The following SEH1L variants were observed in gnomAD, a reference collection of about 807,000 sequenced individuals.
The protein encoded by SEH1L is SEH1 like nucleoporin, also known as nucleoporin SEH1.
In SEH1L, 18 loss-of-function variants were observed where a neutral mutation model predicts 49.5. The ratio of observed to expected loss-of-function variants is 0.36; its 90% confidence interval spans 0.25 to 0.54. The LOEUF (loss-of-function observed/expected upper bound fraction) is 0.54. Ranked by LOEUF, SEH1L falls within the 20% of genes least tolerant of loss-of-function variation. The probability of loss-of-function intolerance (pLI) is 0.87; values close to 1 mark genes in which losing one functional copy is unlikely to be tolerated. For missense variants in SEH1L, 404 were observed against 528.8 expected (o/e 0.76, Z 2.31); for synonymous variants, 169 against 178.1 (o/e 0.95, Z 0.41).
chr18:12,982,404 C>T (rs905773963), intron 6 of SEH1L, 114 bp from the exon 7 acceptor site: 45 of 708,278 alleles, frequency 6.4e-5, no homozygotes, highest in African/African-American at 5.6e-4. Context: ...GATGTGGTGG[C>T]GAGACCACTT....
intron 5 of SEH1L, chr18:12,975,754 G>C (rs1346671767): frequency 1.0e-6 from 1 of 987,234 alleles, no homozygotes; most frequent in African/African-American, 1.7e-5. Flanking sequence ...TGGCAGCTGT[G>C]TGGACTGGGA....
At chr18:12,979,982 C>T (rs1282345371) in intron 6 of SEH1L, among the ~76,000 whole-genome samples, 13 of 125,250 alleles carry the variant, frequency 1.0e-4, no homozygotes, top group South Asian at 5.4e-4. Flanking sequence ...CCGGACGGGG[C>T]GGCTGGCCGG....
intron 8 of SEH1L, chr18:12,984,696 A>G (rs1189526889): frequency 1.3e-5 from 2 of 153,868 alleles, no homozygotes; most frequent in African/African-American, 4.8e-5. Flanking sequence ...GATTTTTAGA[A>G]TATTTAGCAT....
rs552603876 is a variant in SEH1L, at chr18:12,951,838, CTTTTA to C, written c.112-12_112-8del. 3.1e-4 allele frequency: 476 copies of C among 1,515,850 alleles called. 7 individuals carry two copies. The South Asian group carries it at 5.6e-3, about 18-fold the overall frequency. The allele number at this position is 1,515,850 out of a possible 1,614,324, so 93.9% of individuals were successfully genotyped here. A position where few individuals can be genotyped will look rare whatever the true frequency, so the allele number is the denominator to read the frequency against. On this transcript the variant is annotated splice_polypyrimidine_tract_variant and intron_variant, in intron 1 of 8. Coordinates refer to ENST00000399892, the MANE Select transcript of SEH1L (RefSeq NM_001013437.2). ...AGGAATTTTTGTATAAAATATCTGCCTTTTATTTTCTTATAGGTCTGGGATAAAAG... is the reference window on the plus strand; with the variant it reads ...AGGAATTTTTGTATAAAATATCTGCCTTTTCTTATAGGTCTGGGATAAAAG...
rs1268247410 is a variant in SEH1L at position 12,970,504 on chromosome 18, T to TC, written c.522-647dup. Among the ~76,000 whole-genome samples the TC allele has an allele frequency of 2.6e-5, 4 of 152,324 alleles. No homozygotes were observed. The South Asian group carries it at 8.3e-4, about 32-fold the overall frequency. On this transcript the variant is annotated intron_variant, in intron 4 of 8. Transcript: ENST00000399892. Reference sequence around the variant, plus strand: ...GGCACGATCATAGCTCACTGCAGCCTCCAACTCCTGGGCGCAAGTGATCCT... The same window carrying TC: ...GGCACGATCATAGCTCACTGCAGCCTCCCAACTCCTGGGCGCAAGTGATCCT...
At chr18:12,971,850 GA>G (rs1598965247) in intron 5 of SEH1L, 1 of 152,314 alleles carries the variant, frequency 6.6e-6, no homozygotes, top group Non-Finnish European at 1.5e-5. Context: ...GCCAGACAAA[GA>G]GGGCAGAAGC....
chr18:12,948,156 A>T lies in SEH1L; in HGVS notation c.35A>T (p.Lys12Met), dbSNP rs1266914133. ...GCTCGCAGCATCGCGGCGGACCACA[A>T]GGATCTCATCCACGATGTCTCTTTC... ...FVARSIAADHKDLIHDVSFDF... is the reference protein window; with the variant it reads ...FVARSIAADHMDLIHDVSFDF... The change falls in exon 1 of 9, where the codon AAG becomes ATG. Residue 12 changes from lysine (K) to methionine (M), a missense_variant. Coordinates refer to ENST00000399892, the MANE Select transcript of SEH1L (RefSeq NM_001013437.2). 6.2e-7 allele frequency: 1 copy of T among 1,610,554 alleles called. No homozygotes were observed. Among genetic ancestry groups the T allele is most frequent in the Non-Finnish European group, 8.5e-7 (1 of 1,178,974 alleles).
At chr18:12,969,686 C>CAA (rs201098722) in intron 4 of SEH1L, among the ~76,000 whole-genome samples, 2 of 98,150 alleles carry the variant, frequency 2.0e-5, no homozygotes, top group Non-Finnish European at 4.4e-5. Flanking sequence ...GACTCCATCT[C>CAA]AAAAAAAAAA....
intron 3 of SEH1L, among the ~76,000 whole-genome samples, chr18:12,961,266 GC>G (rs2031162909): frequency 6.6e-6 from 1 of 152,160 alleles, no homozygotes; most frequent in Admixed American, 6.5e-5. Flanking sequence ...ACATGCTTGA[GC>G]CCAGTCATCC....
chr18:12,970,562 G>A (rs930131201), intron 4 of SEH1L, among the ~76,000 whole-genome samples: 1 of 152,082 alleles, frequency 6.6e-6, no homozygotes, highest in African/African-American at 2.4e-5. Context: ...TGAGACAAAC[G>A]GCACATGCCA....
At chr18:12,971,879 C>T (rs907527912) in intron 5 of SEH1L, 1 of 152,248 alleles carries the variant, frequency 6.6e-6, no homozygotes, top group Non-Finnish European at 1.5e-5. Flanking sequence ...GTGGAGAAAA[C>T]TGCATGTGGT....
chr18:12,970,567 A>T (rs1307558955), intron 4 of SEH1L, among the ~76,000 whole-genome samples: 1 of 152,162 alleles, frequency 6.6e-6, no homozygotes, highest in Non-Finnish European at 1.5e-5. Flanking sequence ...CAAACGGCAC[A>T]TGCCACCACA....
chr18:12,975,102 C>T (rs1381656304), intron 5 of SEH1L, among the ~76,000 whole-genome samples: 1 of 151,930 alleles, frequency 6.6e-6, no homozygotes, highest in East Asian at 1.9e-4. Context: ...AAGAAGTTCT[C>T]CTGCCTCAGC....
Position 12,987,010 on chromosome 18 carries a change from T to G in SEH1L, c.1219T>G (p.Tyr407Asp). 1.2e-6 allele frequency: 2 copies of G among 1,613,564 alleles called. No individual in the cohort carries two copies. Among genetic ancestry groups the G allele is most frequent in the Non-Finnish European group, 1.7e-6 (2 of 1,179,638 alleles). Residue 407 changes from tyrosine (Y) to aspartate (D), a missense_variant, in exon 9 of 9, where the codon TAT (tyrosine) becomes GAT (aspartate). By Grantham distance (160) the Tyr-to-Asp change is radical. Around this residue, in one of 3 missense-constraint regions of SEH1L, gnomAD observed 342 missense variants for 430.8 expected, o/e 0.79. Coordinates refer to ENST00000399892, the MANE Select transcript of SEH1L (RefSeq NM_001013437.2). ...CCAGTATCCTCACCCTCGCAGACGA[T>G]ATCTCTCTCGGCCTCTTAATCCCTT... ...NLQYPHPRRRYLSRPLNPLPE... is the reference protein window; with the variant it reads ...NLQYPHPRRRDLSRPLNPLPE...
In SEH1L at chr18:12,951,044, T is replaced by A. The variant is rs1387632477; in HGVS notation, c.112-811T>A. Among the ~76,000 whole-genome samples, 9 of 152,272 alleles carry A rather than the reference T, an allele frequency of 5.9e-5. No homozygotes were observed. In the East Asian group the frequency reaches 1.5e-3, roughly 26 times the overall value. On this transcript the variant is annotated intron_variant, in intron 1 of 8. Coordinates refer to ENST00000399892, the MANE Select transcript of SEH1L (RefSeq NM_001013437.2). Reference sequence around the variant, plus strand: ...ACAGTTGAGCCTGTTGTTTGTAGATTCTGTATTTTTTGAATTTGTCTACTC... The same window carrying A: ...ACAGTTGAGCCTGTTGTTTGTAGATACTGTATTTTTTGAATTTGTCTACTC...
At chr18:12,970,163 G>C (rs969271686) in intron 4 of SEH1L, among the ~76,000 whole-genome samples, 1 of 152,116 alleles carries the variant, frequency 6.6e-6, no homozygotes, top group Non-Finnish European at 1.5e-5. Context: ...GAGGCTAAAG[G>C]TTAAGCAAGG....
intron 4 of SEH1L, among the ~76,000 whole-genome samples, chr18:12,965,081 T>G (rs2031383969): frequency 8.2e-6 from 1 of 122,516 alleles, no homozygotes; most frequent in African/African-American, 3.4e-5. Flanking sequence ...TGGCGCAATC[T>G]AGGCTCACTG....
chr18:12,963,356 C>T lies in SEH1L; in HGVS notation c.506C>T (p.Ser169Phe). 1 of 1,613,604 alleles carries T rather than the reference C, an allele frequency of 6.2e-7. No individual in the cohort carries two copies. ...ISCKLSCSCI[S>F]WNPSSSRAHS... The stretch of plus-strand genomic sequence containing the variant: ...TGTAAGCTAAGCTGTAGTTGTATTT[C>T]TTGGAACCCTTCAAGGTAAGTTTAC... The change falls in exon 4 of 9, where the codon TCT becomes TTT. Residue 169 changes from serine to phenylalanine, a missense_variant. Around this residue, in one of 3 missense-constraint regions of SEH1L, gnomAD observed 342 missense variants for 430.8 expected, o/e 0.79. Coordinates refer to ENST00000399892, the MANE Select transcript of SEH1L (RefSeq NM_001013437.2).
At chr18:12,964,350 A>G (rs1426966138) in intron 4 of SEH1L, 1 of 152,002 alleles carries the variant, frequency 6.6e-6, no homozygotes, top group Non-Finnish European at 1.5e-5. Flanking sequence ...ATTTACTTAT[A>G]CCTTTGGTTC....
Sources: gnomAD v4.1 joint callset for allele counts (sites outside exome capture counted in the v4.1 genomes callset) on GRCh38, gnomAD v4.1.1 for gene constraint, gnomAD v4.1.1 regional missense constraint, MANE v1.5 for transcripts, NCBI Gene and HGNC (gene_info 2026-07-23, HGNC 2026-07-21) for gene names.